The following SEMA3C variants were observed in gnomAD, a reference collection of about 807,000 sequenced individuals.
SEMA3C encodes semaphorin-3C.
In SEMA3C, 47 loss-of-function variants were observed where a neutral mutation model predicts 89.4. The observed-to-expected ratio is 0.53, with a 90% CI of 0.42 to 0.67. SEMA3C has a LOEUF of 0.67. SEMA3C is among the 30% of genes least tolerant of loss of function. SEMA3C has a pLI of 0.00. For missense variants in SEMA3C, 839 were observed against 929.1 expected (o/e 0.90, Z 1.26); for synonymous variants, 310 against 320.2 (o/e 0.97, Z 0.34).
chr7:80,782,003 G>C (rs977627929), intron 12 of SEMA3C, among the ~76,000 whole-genome samples: 1 of 152,020 alleles, frequency 6.6e-6, no homozygotes, highest in African/African-American at 2.4e-5. Context: ...AAAAAAAAAT[G>C]CCAAAGAGTT....
chr7:80,778,969 T>C (rs968189802), intron 12 of SEMA3C, among the ~76,000 whole-genome samples: 11 of 152,116 alleles, frequency 7.2e-5, no homozygotes, highest in African/African-American at 2.7e-4. Flanking sequence ...CTTATCTGCA[T>C]GGTCTCCTAG....
chr7:80,865,751 G>A (rs1025388199), intron 2 of SEMA3C, among the ~76,000 whole-genome samples: 1 of 151,978 alleles, frequency 6.6e-6, no homozygotes, highest in Non-Finnish European at 1.5e-5. Flanking sequence ...CAGAGATCGC[G>A]CCATTGCACT....
chr7:80,768,941 A>C (rs1788366854), intron 12 of SEMA3C, among the ~76,000 whole-genome samples: 1 of 152,194 alleles, frequency 6.6e-6, no homozygotes, highest in Admixed American at 6.5e-5. Flanking sequence ...TTATCATAGA[A>C]AGCATTTTTT....
intron 12 of SEMA3C, among the ~76,000 whole-genome samples, chr7:80,778,498 T>C (rs1362028254): frequency 6.6e-6 from 1 of 152,208 alleles, no homozygotes; most frequent in Non-Finnish European, 1.5e-5. Context: ...TTTTTTATCA[T>C]AAGATAGGTT....
chr7:80,812,312 A>G (rs986836374), intron 5 of SEMA3C, among the ~76,000 whole-genome samples: 2 of 152,192 alleles, frequency 1.3e-5, no homozygotes, highest in African/African-American at 2.4e-5. Flanking sequence ...TCTACAGGTG[A>G]TGAAAAAATA....
At chr7:80,772,597 C>T (rs1452420805) in intron 12 of SEMA3C, among the ~76,000 whole-genome samples, 2 of 152,006 alleles carry the variant, frequency 1.3e-5, no homozygotes, top group African/African-American at 4.8e-5. Flanking sequence ...GAAAGGCTGT[C>T]TCAACAAAAG....
intron 1 of SEMA3C, among the ~76,000 whole-genome samples, chr7:80,917,406 C>T (rs1311852597): frequency 6.6e-6 from 1 of 152,178 alleles, no homozygotes. Context: ...GACCAACAGG[C>T]AGTTGTTAAA....
intron 2 of SEMA3C, among the ~76,000 whole-genome samples, chr7:80,903,963 G>A (rs1232287695): frequency 6.6e-6 from 1 of 152,048 alleles, no homozygotes; most frequent in African/African-American, 2.4e-5. Context: ...CCCACCATTA[G>A]ACACAGAGGG....
chr7:80,814,877 C>CT (rs538933549), intron 5 of SEMA3C, among the ~76,000 whole-genome samples: 137 of 152,286 alleles, frequency 9.0e-4, no homozygotes, highest in African/African-American at 3.1e-3. Context: ...ACAACGATCT[C>CT]TTTTGTGGTC....
At chr7:80,772,147 T>C (rs1051367504) in intron 12 of SEMA3C, among the ~76,000 whole-genome samples, 1 of 152,186 alleles carries the variant, frequency 6.6e-6, no homozygotes, top group Non-Finnish European at 1.5e-5. Context: ...GAGGTATGAC[T>C]AGACACATCA....
intron 2 of SEMA3C, among the ~76,000 whole-genome samples, chr7:80,863,264 T>C (rs1383818388): frequency 6.8e-6 from 1 of 147,976 alleles, no homozygotes; most frequent in Non-Finnish European, 1.5e-5. Flanking sequence ...ACATCACTAA[T>C]GATCAGGGAA....
At chr7:80,819,468 T>G (rs990760664) in intron 4 of SEMA3C, among the ~76,000 whole-genome samples, 8 of 152,220 alleles carry the variant, frequency 5.3e-5, no homozygotes, top group Non-Finnish European at 1.2e-4. Flanking sequence ...ATGTTCTGAA[T>G]GCACCTGTGC....
intron 14 of SEMA3C, 49 bp from the exon 15 acceptor site, chr7:80,758,537 A>G (rs201690740): frequency 6.4e-7 from 1 of 1,563,384 alleles, no homozygotes; most frequent in Non-Finnish European, 8.8e-7. Context: ...AGTTAAAAGA[A>G]GACTTTCAGC....
chr7:80,882,472 T>C (rs550421829), intron 2 of SEMA3C, among the ~76,000 whole-genome samples: 1 of 150,216 alleles, frequency 6.7e-6, no homozygotes, highest in Non-Finnish European at 1.5e-5. Context: ...CCTCGTATTA[T>C]TTATTTATTT....
At chr7:80,880,902 G>A (rs911783455) in intron 2 of SEMA3C, among the ~76,000 whole-genome samples, 2 of 152,216 alleles carry the variant, frequency 1.3e-5, no homozygotes, top group African/African-American at 4.8e-5. Flanking sequence ...TCCAGCCTGG[G>A]TGACAGAGAG....
intron 2 of SEMA3C, among the ~76,000 whole-genome samples, chr7:80,914,016 G>A (rs569555263): frequency 1.3e-5 from 2 of 152,274 alleles, no homozygotes; most frequent in East Asian, 3.9e-4. Context: ...TGATGGAGAA[G>A]AATTCAAGAC....
intron 11 of SEMA3C, among the ~76,000 whole-genome samples, chr7:80,790,294 GGAA>G (rs1028306007): frequency 5.3e-5 from 8 of 151,394 alleles, no homozygotes; most frequent in South Asian, 2.1e-4. Flanking sequence ...TATAAAAAAA[GGAA>G]GAAGAAGAGA....
chr7:80,846,523 A>T (rs926331947), intron 2 of SEMA3C, among the ~76,000 whole-genome samples: 6 of 151,954 alleles, frequency 3.9e-5, no homozygotes, highest in Admixed American at 3.3e-4. Flanking sequence ...TGCCTGGCCA[A>T]TTTTTGTTTA....
At chr7:80,904,186 G>A (rs568553810) in intron 2 of SEMA3C, among the ~76,000 whole-genome samples, 7 of 152,040 alleles carry the variant, frequency 4.6e-5, no homozygotes, top group East Asian at 1.9e-4. Context: ...GACTACAGCC[G>A]TGCACCACCA....
Sources: gnomAD v4.1 joint callset for allele counts (sites outside exome capture counted in the v4.1 genomes callset) on GRCh38, gnomAD v4.1.1 for gene constraint, MANE v1.5 for transcripts, NCBI Gene and HGNC (gene_info 2026-07-23, HGNC 2026-07-21) for gene names.